LRMDA: variants seen among roughly 807,000 people sequenced by gnomAD.
LRMDA encodes the protein leucine-rich melanocyte differentiation-associated protein.
In LRMDA, 18 loss-of-function variants were observed where a neutral mutation model predicts 29.8. The ratio of observed to expected loss-of-function variants is 0.60; its 90% CI spans 0.42 to 0.90. LRMDA has a LOEUF of 0.90. Ranked by LOEUF, LRMDA falls within the 40% of genes least tolerant of loss-of-function variation. The pLI, the probability that LRMDA is intolerant of heterozygous loss-of-function variation, is 0.00. For missense variants in LRMDA, 273 were observed against 273.9 expected (o/e 1.00, Z 0.02); for synonymous variants, 125 against 109.4 (o/e 1.14, Z -0.89).
intron 3 of LRMDA, among the ~76,000 whole-genome samples, chr10:76,040,361 G>A (rs1848320173): frequency 6.6e-6 from 1 of 152,148 alleles, no homozygotes. Context: ...ACCTCCTGCT[G>A]GACCTCCCAT....
chr10:76,060,415 C>G (rs181930920), intron 5 of LRMDA, among the ~76,000 whole-genome samples: 283 of 152,304 alleles, frequency 1.9e-3, no homozygotes, highest in Middle Eastern at 6.8e-3. Context: ...CACAGATCTA[C>G]AAGTGTTCAC....
At chr10:75,496,273 T>C (rs1321636961) in intron 2 of LRMDA, among the ~76,000 whole-genome samples, 2 of 152,214 alleles carry the variant, frequency 1.3e-5, no homozygotes, top group African/African-American at 2.4e-5. Flanking sequence ...TCTTGCTAGA[T>C]GACTTTTGGG....
intron 6 of LRMDA, among the ~76,000 whole-genome samples, chr10:76,503,642 T>C (rs1842932849): frequency 6.6e-6 from 1 of 151,766 alleles, no homozygotes; most frequent in South Asian, 2.1e-4. Flanking sequence ...TCTCTGAGGA[T>C]CTTTTGTATT....
intron 2 of LRMDA, among the ~76,000 whole-genome samples, chr10:75,920,976 C>G (rs1846016261): frequency 6.6e-6 from 1 of 152,176 alleles, no homozygotes; most frequent in African/African-American, 2.4e-5. Context: ...TGTATGTGGT[C>G]TGTCTAATGC....
chr10:76,385,286 C>T (rs147275195), intron 6 of LRMDA, among the ~76,000 whole-genome samples: 28 of 152,268 alleles, frequency 1.8e-4, no homozygotes, highest in African/African-American at 6.0e-4. Context: ...ATGTACCAAT[C>T]GAGTGTACTC....
intron 2 of LRMDA, among the ~76,000 whole-genome samples, chr10:76,023,730 G>A (rs1210563226): frequency 6.6e-6 from 1 of 152,202 alleles, no homozygotes; most frequent in Non-Finnish European, 1.5e-5. Context: ...CTAAGACAGA[G>A]GCTCTCCCGA....
intron 6 of LRMDA, among the ~76,000 whole-genome samples, chr10:76,439,038 T>A (rs1230698146): frequency 2.0e-5 from 3 of 152,216 alleles, no homozygotes; most frequent in African/African-American, 7.2e-5. Flanking sequence ...GATGAATACT[T>A]AGTAGTTGAA....
intron 6 of LRMDA, among the ~76,000 whole-genome samples, chr10:76,340,141 A>G (rs1304991290): frequency 6.6e-6 from 1 of 152,196 alleles, no homozygotes; most frequent in East Asian, 1.9e-4. Flanking sequence ...GTTTACTTTT[A>G]GAATTTATCA....
intron 6 of LRMDA, among the ~76,000 whole-genome samples, chr10:76,446,060 G>A (rs1470451395): frequency 2.0e-5 from 3 of 152,022 alleles, no homozygotes; most frequent in Non-Finnish European, 2.9e-5. Context: ...CTTTTATTGC[G>A]TAGATCTGTA....
At chr10:75,560,358 G>A (rs960482207) in intron 2 of LRMDA, among the ~76,000 whole-genome samples, 1 of 151,580 alleles carries the variant, frequency 6.6e-6, no homozygotes, top group African/African-American at 2.4e-5. Flanking sequence ...GTATAAGAAT[G>A]CTTGTGATTT....
intron 5 of LRMDA, among the ~76,000 whole-genome samples, chr10:76,115,170 C>A (rs1849647543): frequency 6.6e-6 from 1 of 152,214 alleles, no homozygotes; most frequent in African/African-American, 2.4e-5. Flanking sequence ...TAATGAATCA[C>A]TTTAAAAATG....
chr10:75,556,416 C>T (rs1840214134), intron 2 of LRMDA, among the ~76,000 whole-genome samples: 1 of 152,116 alleles, frequency 6.6e-6, no homozygotes, highest in Non-Finnish European at 1.5e-5. Flanking sequence ...CAGAAGTATC[C>T]TTCAAGCATA....
chr10:75,832,671 G>T (rs889892200), intron 2 of LRMDA, among the ~76,000 whole-genome samples: 1 of 152,138 alleles, frequency 6.6e-6, no homozygotes, highest in African/African-American at 2.4e-5. Flanking sequence ...ACTGGGCAAC[G>T]TACAAAAGAA....
At chr10:76,195,924 T>C (rs1459891310) in intron 5 of LRMDA, among the ~76,000 whole-genome samples, 2 of 152,174 alleles carry the variant, frequency 1.3e-5, no homozygotes, top group Non-Finnish European at 2.9e-5. Flanking sequence ...CATGGAGACA[T>C]TTACTTTGGT....
At chr10:75,710,316 A>C (rs2132176805) in intron 2 of LRMDA, among the ~76,000 whole-genome samples, 1 of 152,158 alleles carries the variant, frequency 6.6e-6, no homozygotes, top group South Asian at 2.1e-4. Context: ...TTATGGGTTA[A>C]TTTTTCTGTA....
intron 6 of LRMDA, among the ~76,000 whole-genome samples, chr10:76,331,359 C>A (rs78996973): frequency 6.6e-6 from 1 of 152,272 alleles, no homozygotes; most frequent in South Asian, 2.1e-4. Flanking sequence ...TAAGGTCAGG[C>A]CCTATGAGTG....
intron 2 of LRMDA, among the ~76,000 whole-genome samples, chr10:75,917,559 C>T (rs144185847): frequency 5.3e-5 from 8 of 152,144 alleles, no homozygotes; most frequent in East Asian, 3.9e-4. Context: ...AGGCTAAATC[C>T]GGAATCGGGA....
rs139603994 is a variant in LRMDA at position 75,593,540 on chromosome 10, ATTG to A, written c.131+155050_131+155052del. Among the ~76,000 whole-genome samples, 706 of 152,348 alleles carry A rather than the reference ATTG, an allele frequency of 4.6e-3. 3 individuals are homozygous for A. The highest frequency in any genetic ancestry group is 5.1e-3 in the Non-Finnish European group (346 of 68,028). ...CATTCCCCAGATTACTAAAGGTAAT[ATTG>A]TTGACTAAAGAAAAGTATACGAATG... On this transcript the variant is annotated intron_variant, in intron 2 of 6. Coordinates refer to ENST00000611255, the MANE Select transcript of LRMDA (RefSeq NM_001305581.2).
At chr10:75,734,718 AGTCCT>A (rs1842740149) in intron 2 of LRMDA, among the ~76,000 whole-genome samples, 1 of 152,220 alleles carries the variant, frequency 6.6e-6, no homozygotes, top group Non-Finnish European at 1.5e-5. Context: ...TCCTGCAGGG[AGTCCT>A]GTCCACTCAG....
Sources: gnomAD v4.1 joint callset for allele counts (sites outside exome capture counted in the v4.1 genomes callset) on GRCh38, gnomAD v4.1.1 for gene constraint, MANE v1.5 for transcripts, NCBI Gene and HGNC (gene_info 2026-07-23, HGNC 2026-07-21) for gene names.